PTGER3: variants seen among roughly 807,000 people sequenced by gnomAD.
PTGER3 encodes prostaglandin E receptor 3, also known as prostaglandin E2 receptor EP3 subtype.
In PTGER3, 22 loss-of-function variants were observed where a neutral mutation model predicts 34.7. That is an observed-to-expected ratio of 0.63 (90% confidence interval 0.45 to 0.91). PTGER3 has a LOEUF of 0.91. PTGER3 is among the 40% of genes least tolerant of loss of function. PTGER3 has a pLI of 0.00. For synonymous variants in PTGER3, 241 were observed against 230.1 expected, an observed-to-expected ratio of 1.05 and a Z score of -0.43; for missense variants, 468 against 519.4, an observed-to-expected ratio of 0.90 and a Z score of 0.96.
chr1:71,007,204 T>C, intron 2 of PTGER3: 1 of 985,788 alleles, frequency 1.0e-6, no homozygotes, highest in Non-Finnish European at 1.2e-6. Context: ...TGCCAATGAT[T>C]TCAGCTCCTC....
intron 1 of PTGER3, among the ~76,000 whole-genome samples, chr1:71,023,026 T>A (rs1658566130): frequency 6.6e-6 from 1 of 151,838 alleles, no homozygotes; most frequent in Admixed American, 6.6e-5. Flanking sequence ...TTTTGCCACC[T>A]TGAGAAAATA....
chr1:70,980,608 C>T (rs1162205055), intron 2 of PTGER3, among the ~76,000 whole-genome samples: 1 of 151,920 alleles, frequency 6.6e-6, no homozygotes, highest in Non-Finnish European at 1.5e-5. Flanking sequence ...TGCACTCCAG[C>T]CTGGGTGACA....
chr1:71,010,071 C>T, intron 2 of PTGER3: 2 of 985,040 alleles, frequency 2.0e-6, no homozygotes, highest in South Asian at 9.4e-5. Flanking sequence ...GCCATTCATC[C>T]CCTCCTAAAA....
At chr1:70,856,622 T>C (rs898338931) in intron 4 of PTGER3, among the ~76,000 whole-genome samples, 16 of 152,108 alleles carry the variant, frequency 1.1e-4, no homozygotes, top group African/African-American at 3.9e-4. Context: ...CTTTTTCCCA[T>C]TTTTTTAAGG....
At chr1:70,942,591 A>G (rs1247059008) in intron 4 of PTGER3, among the ~76,000 whole-genome samples, 2 of 152,116 alleles carry the variant, frequency 1.3e-5, no homozygotes, top group African/African-American at 4.8e-5. Flanking sequence ...AGACTGGGTC[A>G]AGCAACACTA....
At chr1:70,930,357 G>C (rs1357322536) in intron 4 of PTGER3, among the ~76,000 whole-genome samples, 1 of 152,124 alleles carries the variant, frequency 6.6e-6, no homozygotes, top group Non-Finnish European at 1.5e-5. Flanking sequence ...GTCCTTACCT[G>C]AGTTTTAGTT....
intron 1 of PTGER3, among the ~76,000 whole-genome samples, chr1:71,015,598 A>G (rs981037338): frequency 7.2e-5 from 11 of 152,302 alleles, no homozygotes; most frequent in Middle Eastern, 3.4e-3. Context: ...TTTTCCACTA[A>G]GCTGATAATG....
At chr1:70,985,654 C>T (rs1313222549) in intron 2 of PTGER3, among the ~76,000 whole-genome samples, 1 of 152,148 alleles carries the variant, frequency 6.6e-6, no homozygotes, top group African/African-American at 2.4e-5. Flanking sequence ...CCTCCTCCTC[C>T]CTGCTCTTTC....
intron 4 of PTGER3, among the ~76,000 whole-genome samples, chr1:70,914,970 C>G (rs539045138): frequency 2.0e-5 from 3 of 151,960 alleles, no homozygotes; most frequent in South Asian, 2.1e-4. Context: ...TTATTAAGTG[C>G]CAAGTATATG....
At chr1:71,034,977 T>TA (rs938110963) in intron 1 of PTGER3, among the ~76,000 whole-genome samples, 2 of 152,234 alleles carry the variant, frequency 1.3e-5, no homozygotes, top group South Asian at 2.1e-4. Flanking sequence ...CAAGAAATTT[T>TA]AAAAAAAGTA....
chr1:70,872,223 C>A (rs536004660), intron 4 of PTGER3, among the ~76,000 whole-genome samples: 4 of 152,206 alleles, frequency 2.6e-5, no homozygotes, highest in African/African-American at 9.6e-5. Flanking sequence ...GGGAGATGGT[C>A]GGTGTTTTTC....
At chr1:70,895,563 C>T (rs1386724341) in intron 4 of PTGER3, among the ~76,000 whole-genome samples, 1 of 152,112 alleles carries the variant, frequency 6.6e-6, no homozygotes, top group East Asian at 1.9e-4. Context: ...ATTCAGACTC[C>T]AGATGCTGCA....
intron 4 of PTGER3, among the ~76,000 whole-genome samples, chr1:70,914,403 T>G (rs907865687): frequency 6.6e-6 from 1 of 151,924 alleles, no homozygotes; most frequent in Non-Finnish European, 1.5e-5. Flanking sequence ...TATTTTCTTA[T>G]AATTATCAAC....
At chr1:71,007,458 C>T in intron 2 of PTGER3, 1 of 985,366 alleles carries the variant, frequency 1.0e-6, no homozygotes, top group Non-Finnish European at 1.2e-6. Context: ...AGACCCCTGG[C>T]CACTCAGTAG....
intron 1 of PTGER3, among the ~76,000 whole-genome samples, chr1:71,044,337 T>C (rs1660570210): frequency 1.3e-5 from 2 of 149,852 alleles, no homozygotes; most frequent in African/African-American, 2.5e-5. Flanking sequence ...CTCCAAAGGC[T>C]GAGGCAGTAG....
intron 4 of PTGER3, among the ~76,000 whole-genome samples, chr1:70,890,712 T>A (rs1019683931): frequency 2.0e-5 from 3 of 152,224 alleles, no homozygotes; most frequent in Admixed American, 2.0e-4. Flanking sequence ...CTCCCTGACC[T>A]ATCCTTCATG....
intron 2 of PTGER3, among the ~76,000 whole-genome samples, chr1:70,955,247 CTGAAA>C (rs1651198370): frequency 6.6e-6 from 1 of 152,114 alleles, no homozygotes; most frequent in Non-Finnish European, 1.5e-5. Flanking sequence ...CTTCTTATCT[CTGAAA>C]TGAAAGTTTA....
chr1:71,041,458 T>A (rs945915133), intron 1 of PTGER3, among the ~76,000 whole-genome samples: 2 of 152,174 alleles, frequency 1.3e-5, no homozygotes, highest in South Asian at 4.1e-4. Context: ...TTTCACACCA[T>A]CATGAAGTTG....
chr1:71,047,561 C>A lies in PTGER3; in HGVS notation c.17G>T (p.Gly6Val). 6.4e-7 allele frequency: 1 copy of A among 1,552,316 alleles called. No homozygotes were observed. The highest frequency in any genetic ancestry group is 8.7e-7 in the Non-Finnish European group (1 of 1,144,812). MKETR[G>V]YGGDAPFCTR... ...GCAGAAGGGGGCATCCCCTCCGTAG[C>A]CCCGGGTCTCCTTCATGTTGGCTTC... Residue 6 changes from glycine (G) to valine (V), a missense_variant, in exon 1 of 4, where the codon GGC (glycine) becomes GTC (valine). Gly to Val is a moderately radical substitution (Grantham distance 109, BLOSUM62 -3). Coordinates refer to ENST00000306666, the MANE Select transcript of PTGER3 (RefSeq NM_198719.2).
Sources: gnomAD v4.1 joint callset for allele counts (sites outside exome capture counted in the v4.1 genomes callset) on GRCh38, gnomAD v4.1.1 for gene constraint, MANE v1.5 for transcripts, NCBI Gene and HGNC (gene_info 2026-07-23, HGNC 2026-07-21) for gene names.